The following HEPH variants were observed in gnomAD, a reference collection of about 807,000 sequenced individuals.
HEPH encodes hephaestin.
In HEPH, 69 loss-of-function variants were observed where a neutral mutation model predicts 80.8. The observed-to-expected ratio is 0.85, with a 90% confidence interval of 0.70 to 1.04. HEPH has a LOEUF of 1.04. Among genes scored for constraint, HEPH ranks in the 50% least tolerant of loss-of-function variants. HEPH has a pLI of 0.00. For synonymous variants in HEPH, 431 were observed against 322.8 expected (o/e 1.34, Z -3.60); for missense variants, 1,115 against 891.3 (o/e 1.25, Z -3.20).
chrX:66,249,399 ATTATTC>A (rs1260231759), intron 15 of HEPH, among the ~76,000 whole-genome samples: 1 of 111,961 alleles, frequency 8.9e-6, no homozygotes, highest in African/African-American at 3.2e-5. Flanking sequence ...TTTTGCCAAT[ATTATTC>A]TTATTCTGTG....
At chrX:66,234,457 G>A (rs1334554118) in intron 15 of HEPH, among the ~76,000 whole-genome samples, 1 of 111,371 alleles carries the variant, frequency 9.0e-6, no homozygotes, top group Non-Finnish European at 1.9e-5. Context: ...GAGTTGAATG[G>A]TAGTTCTGTT....
intron 15 of HEPH, among the ~76,000 whole-genome samples, chrX:66,231,108 A>T (rs1285798716): frequency 1.8e-5 from 2 of 109,439 alleles, no homozygotes; most frequent in Non-Finnish European, 3.8e-5. Flanking sequence ...GTCATTTCTG[A>T]GGGCTCTGTT....
At position 66,197,865 on chromosome X, in the gene HEPH, G is replaced by T. The variant is rs1220257661; in HGVS notation, c.1684G>T (p.Ala562Ser). The T allele has an allele frequency of 8.3e-7, 1 of 1,205,028 alleles. No individual in the cohort carries two copies. The highest frequency in any genetic ancestry group is 1.1e-6 in the Non-Finnish European group (1 of 892,006). Reference protein sequence around the residue: ...GLVGPLLVCRAGALGADGKQK... With the variant: ...GLVGPLLVCRSGALGADGKQK... ...GGTGGGCCCGCTGCTGGTGTGCAGGGCTGGTGCCTTGGGTGCAGATGGCAA... is the reference window on the plus strand; with the variant it reads ...GGTGGGCCCGCTGCTGGTGTGCAGGTCTGGTGCCTTGGGTGCAGATGGCAA... Residue 562 changes from alanine to serine, a missense_variant, in exon 10 of 21, where the codon GCT (alanine) becomes TCT (serine). Ala to Ser is a moderately conservative substitution (Grantham distance 99, BLOSUM62 1). Around this residue, in one of 3 missense-constraint regions of HEPH, gnomAD observed 716 missense variants for 523.5 expected, o/e 1.37. Coordinates refer to ENST00000343002, the MANE Select transcript of HEPH (RefSeq NM_001367233.3).
At chrX:66,234,433 G>T (rs145727829) in intron 15 of HEPH, among the ~76,000 whole-genome samples, 16 of 111,567 alleles carry the variant, frequency 1.4e-4, no homozygotes, top group African/African-American at 4.6e-4. Flanking sequence ...TATATACCCA[G>T]TAATGGGATT....
At chrX:66,162,889 G>T (rs1322845037), upstream of HEPH, 1 of 1,150,890 alleles carries the variant, frequency 8.7e-7, no homozygotes. Flanking sequence ...AAGAATATCA[G>T]GTGGTGGAAC....
chrX:66,169,403 G>T (rs1289669439), intron 1 of HEPH, among the ~76,000 whole-genome samples: 1 of 111,687 alleles, frequency 9.0e-6, no homozygotes, highest in Non-Finnish European at 1.9e-5. Context: ...ATGTATTTAT[G>T]TGATGTTGTC....
intron 20 of HEPH, 123 bp downstream of exon 20, chrX:66,263,811 A>G (rs773111765): frequency 1.6e-4 from 103 of 634,925 alleles, no homozygotes; most frequent in Non-Finnish European, 2.2e-4. Flanking sequence ...AGCAGAAAGT[A>G]TCCTGAGACT....
chrX:66,245,893 G>T (rs1363238522), intron 15 of HEPH, among the ~76,000 whole-genome samples: 1 of 112,546 alleles, frequency 8.9e-6, no homozygotes, highest in Admixed American at 9.4e-5. Context: ...ACTCCTTGGT[G>T]TTTAAATAAC....
chrX:66,214,089 A>G (rs1360383570), intron 15 of HEPH, among the ~76,000 whole-genome samples: 1 of 112,076 alleles, frequency 8.9e-6, no homozygotes, highest in Non-Finnish European at 1.9e-5. Flanking sequence ...GTGAATTAGT[A>G]CAGGGTCTGT....
At chrX:66,237,325 C>T (rs1182180413) in intron 15 of HEPH, among the ~76,000 whole-genome samples, 2 of 111,631 alleles carry the variant, frequency 1.8e-5, no homozygotes, top group African/African-American at 3.3e-5. Flanking sequence ...TTCTGTAATG[C>T]TGCACCTTTG....
chrX:66,227,657 C>G (rs897404643), intron 15 of HEPH, among the ~76,000 whole-genome samples: 1 of 111,905 alleles, frequency 8.9e-6, no homozygotes, highest in Non-Finnish European at 1.9e-5. Flanking sequence ...ATAGGGTATT[C>G]TTTCTACACT....
Position 66,207,185 on chromosome X carries a change from A to C in HEPH, c.2292-10A>C. ...GCCAGGTGCTGATAGTACTCTTTGG[A>C]TTCCTCTAGTTATGGTTACATTTTC... On this transcript the variant is annotated splice_polypyrimidine_tract_variant and intron_variant, in intron 13 of 20. Transcript: ENST00000343002. The C allele has an allele frequency of 8.4e-7, 1 of 1,189,429 alleles. No homozygotes were observed. The highest frequency in any genetic ancestry group is 1.1e-6 in the Non-Finnish European group (1 of 883,530).
chrX:66,167,090 A>G (rs890020916), intron 1 of HEPH, among the ~76,000 whole-genome samples: 3 of 112,111 alleles, frequency 2.7e-5, no homozygotes, highest in Admixed American at 9.5e-5. Context: ...TGAAAAATAA[A>G]GACACTGTGG....
chrX:66,164,627 G>A (rs1358638746), intron 1 of HEPH, among the ~76,000 whole-genome samples, 157 bp downstream of exon 1: 1 of 112,039 alleles, frequency 8.9e-6, no homozygotes, highest in Non-Finnish European at 1.9e-5. Context: ...GAAAGTTAAA[G>A]GAGACAATAG....
At chrX:66,211,526 T>G (rs1215614281) in intron 15 of HEPH, among the ~76,000 whole-genome samples, 1 of 111,602 alleles carries the variant, frequency 9.0e-6, no homozygotes, top group African/African-American at 3.2e-5. Context: ...GTTATCTACC[T>G]TTCCACTCTT....
At chrX:66,236,910 G>A (rs2090383771) in intron 15 of HEPH, among the ~76,000 whole-genome samples, 1 of 111,536 alleles carries the variant, frequency 9.0e-6, no homozygotes, top group Admixed American at 9.6e-5. Flanking sequence ...TGTGCATAGA[G>A]GTGTTAATAA....
chrX:66,213,990 A>G (rs932591590), intron 15 of HEPH, among the ~76,000 whole-genome samples: 5 of 112,416 alleles, frequency 4.4e-5, no homozygotes, highest in African/African-American at 1.6e-4. Context: ...GGGCAGGATT[A>G]CAGTTTCTTT....
intron 15 of HEPH, among the ~76,000 whole-genome samples, chrX:66,239,671 A>G (rs2090495555): frequency 8.9e-6 from 1 of 111,857 alleles, no homozygotes; most frequent in African/African-American, 3.3e-5. Flanking sequence ...CTCATAGAGC[A>G]TGGCCTGGCC....
chrX:66,267,523 G>A (rs1052256468), downstream of HEPH: 1 of 111,628 alleles, frequency 9.0e-6, no homozygotes, highest in African/African-American at 3.3e-5. Flanking sequence ...TTGTTTTAGA[G>A]ATGAGGAAGC....
Sources: allele counts gnomAD v4.1 joint callset (sites outside exome capture counted in the v4.1 genomes callset), GRCh38; gene constraint gnomAD v4.1.1; regional missense constraint gnomAD v4.1.1; transcripts MANE v1.5; gene names NCBI Gene and HGNC (gene_info 2026-07-23, HGNC 2026-07-21).